PREX2: variants seen among roughly 807,000 people sequenced by gnomAD.
PREX2 encodes phosphatidylinositol 3,4,5-trisphosphate-dependent Rac exchanger 2 protein.
In PREX2, 107 loss-of-function variants were observed where a neutral mutation model predicts 203.2. The ratio of observed to expected loss-of-function variants is 0.53; its 90% CI spans 0.45 to 0.62. PREX2 has a LOEUF of 0.62. Ranked by LOEUF, PREX2 falls within the 20% of genes least tolerant of loss-of-function variation. The probability of loss-of-function intolerance (pLI) is 0.00; values close to 1 mark genes in which losing one functional copy is unlikely to be tolerated. For missense variants in PREX2, 1,777 were observed against 1,955.9 expected (o/e 0.91, Z 1.72); for synonymous variants, 672 against 663.6 (o/e 1.01, Z -0.19).
At chr8:68,210,395 A>G (rs976563262) in intron 37 of PREX2, among the ~76,000 whole-genome samples, 1 of 152,122 alleles carries the variant, frequency 6.6e-6, no homozygotes, top group Admixed American at 6.6e-5. Context: ...TACTAGTAAT[A>G]CAAACGTTTG....
chr8:68,119,168 C>A (rs903286263), intron 27 of PREX2, among the ~76,000 whole-genome samples: 2 of 152,148 alleles, frequency 1.3e-5, no homozygotes, highest in Non-Finnish European at 2.9e-5. Flanking sequence ...CAGTTTATGT[C>A]AACTCTTCAA....
chr8:68,023,955 AT>A (rs1229291027), intron 4 of PREX2, among the ~76,000 whole-genome samples: 3 of 151,636 alleles, frequency 2.0e-5, no homozygotes, highest in Admixed American at 6.6e-5. Context: ...TGGATAACTT[AT>A]TTTTTTTCTT....
rs1006463068 is a variant in PREX2 at position 68,030,388 on chromosome 8, T to C, written c.544-109T>C. On this transcript the variant is annotated intron_variant, in intron 5 of 39. Transcript: ENST00000288368. ...TTAGAGGAATTTGTGATGTCACTTA[T>C]GGAAGTGGCTCTCATGATCTTTGCA... 6.4e-6 allele frequency: 6 copies of C among 939,666 alleles called. No individual in the cohort carries two copies. In the African/African-American group the frequency reaches 8.2e-5, roughly 13 times the overall value. 58.2% of individuals were successfully genotyped at this position (939,666 alleles called of 1,614,324 possible).
intron 22 of PREX2, 108 bp from the exon 23 acceptor site, chr8:68,099,574 G>C: frequency 9.4e-7 from 1 of 1,068,758 alleles, no homozygotes. Context: ...ATGAAAATTT[G>C]ATATGGCTAC....
intron 18 of PREX2, among the ~76,000 whole-genome samples, chr8:68,085,268 A>C (rs555996366): frequency 6.6e-6 from 1 of 152,296 alleles, no homozygotes; most frequent in Non-Finnish European, 1.5e-5. Context: ...TTCTCATTTT[A>C]TTATGTTTCA....
chr8:67,988,688 G>A (rs955660238), intron 1 of PREX2, among the ~76,000 whole-genome samples: 1 of 152,168 alleles, frequency 6.6e-6, no homozygotes, highest in Non-Finnish European at 1.5e-5. Context: ...GTGGAGTCTT[G>A]GGCGTAAGTT....
intron 30 of PREX2, among the ~76,000 whole-genome samples, chr8:68,125,483 T>A (rs1445518271): frequency 6.6e-6 from 1 of 152,094 alleles, no homozygotes; most frequent in Admixed American, 6.6e-5. Flanking sequence ...AAAAATTGTA[T>A]CATTATATAC....
chr8:68,083,167 T>G (rs1007653309), intron 17 of PREX2, 73 bp from the exon 18 acceptor site: 2 of 1,106,370 alleles, frequency 1.8e-6, no homozygotes, highest in African/African-American at 1.9e-5. Context: ...CTTTTCATAT[T>G]CCAATTTTGT....
chr8:67,969,128 A>G (rs144379056), intron 1 of PREX2, among the ~76,000 whole-genome samples: 191 of 152,288 alleles, frequency 1.3e-3, no homozygotes, highest in Non-Finnish European at 2.2e-3. Flanking sequence ...GAGTGCTGAC[A>G]GTGCTCATTT....
Position 68,108,491 on chromosome 8 carries a change from T to A in PREX2, c.2938+160T>A, listed in dbSNP as rs150842374. On this transcript the variant is annotated intron_variant, in intron 24 of 39. Coordinates refer to ENST00000288368, the MANE Select transcript of PREX2 (RefSeq NM_024870.4). ...CTGTAATCATTTGGATAATTATGCC[T>A]AAGTGTATACTGAATGAAAATGGAG... Among the ~76,000 whole-genome samples the A allele has an allele frequency of 3.3e-5, 5 of 152,350 alleles. No homozygotes were observed. The East Asian group carries it at 9.6e-4, about 29-fold the overall frequency.
Position 68,217,610 on chromosome 8 carries a change from C to T in PREX2, c.4605-6C>T. ...GGGTCTGACTTGCCCTTGCCTTGGC[C>T]CACAGGTGCACCCTGAGCGTGACGC... is the stretch of plus-strand genomic sequence containing the variant. On this transcript the variant is annotated splice_polypyrimidine_tract_variant and splice_region_variant and intron_variant, in intron 37 of 39. Coordinates refer to ENST00000288368, the MANE Select transcript of PREX2 (RefSeq NM_024870.4). The T allele has an allele frequency of 6.2e-7, 1 of 1,613,462 alleles. No homozygotes were observed. Among genetic ancestry groups the T allele is most frequent in the Non-Finnish European group, 8.5e-7 (1 of 1,179,484 alleles).
chr8:68,080,131 T>C (rs148886990), intron 15 of PREX2, among the ~76,000 whole-genome samples: 20 of 152,334 alleles, frequency 1.3e-4, no homozygotes, highest in African/African-American at 4.6e-4. Flanking sequence ...TATAATCTTT[T>C]ATTTAAATTT....
chr8:68,074,153 G>A (rs1314469246), intron 14 of PREX2, among the ~76,000 whole-genome samples: 1 of 152,058 alleles, frequency 6.6e-6, no homozygotes, highest in African/African-American at 2.4e-5. Flanking sequence ...TTTCAGTAGA[G>A]ACAGGGTTTC....
At position 68,231,926 on chromosome 8, in the gene PREX2, G is replaced by A. The variant is rs866130391; in HGVS notation, c.*548G>A. 1 of 152,334 alleles carries A rather than the reference G, an allele frequency of 6.6e-6. No individual in the cohort carries two copies. The highest frequency in any genetic ancestry group is 1.5e-5 in the Non-Finnish European group (1 of 68,172). The allele number at this position is 152,334 out of a possible 1,614,324, so 9.4% of individuals were successfully genotyped here. A position where few individuals can be genotyped will look rare whatever the true frequency, so the allele number is the denominator to read the frequency against. ...AGAAAGTCATTAATGTGTAAAAGGT[G>A]GAAAAGCATGCTTTACTCTTTCTCC... On this transcript the variant is annotated 3_prime_UTR_variant, in exon 40 of 40. Transcript: ENST00000288368.
chr8:68,108,974 T>C (rs1332385041), intron 24 of PREX2: 19 of 442,956 alleles, frequency 4.3e-5, no homozygotes, highest in Admixed American at 3.2e-4. Context: ...TATGATCTCA[T>C]TTATATGAGA....
chr8:68,164,010 C>T (rs898914750), intron 35 of PREX2, among the ~76,000 whole-genome samples: 27 of 152,068 alleles, frequency 1.8e-4, no homozygotes, highest in Admixed American at 7.2e-4. Context: ...GTACAAAAGA[C>T]GGCGGTAGGG....
chr8:68,162,165 C>T (rs558619791), intron 35 of PREX2, among the ~76,000 whole-genome samples: 1 of 152,272 alleles, frequency 6.6e-6, no homozygotes, highest in East Asian at 1.9e-4. Flanking sequence ...GGTTGGGACA[C>T]AGCCAAACCA....
intron 31 of PREX2, 128 bp from the exon 32 acceptor site, chr8:68,133,931 A>G: frequency 1.4e-6 from 1 of 715,442 alleles, no homozygotes; most frequent in Non-Finnish European, 2.3e-6. Context: ...TAGAGCTCAA[A>G]TTCACATTTT....
intron 37 of PREX2, among the ~76,000 whole-genome samples, chr8:68,198,997 C>G (rs1049438432): frequency 3.0e-4 from 45 of 152,114 alleles, no homozygotes; most frequent in African/African-American, 1.1e-3. Context: ...ATATGAGTTA[C>G]CTTTTATGTT....
Sources: allele counts gnomAD v4.1 joint callset (sites outside exome capture counted in the v4.1 genomes callset), GRCh38; gene constraint gnomAD v4.1.1; transcripts MANE v1.5; gene names NCBI Gene and HGNC (gene_info 2026-07-23, HGNC 2026-07-21).